The following GPM6A variants were observed in gnomAD, a reference collection of about 807,000 sequenced individuals.
The protein encoded by GPM6A is neuronal membrane glycoprotein M6-a.
GPM6A carries 7 observed loss-of-function variants against 32.1 expected under a neutral mutation model. The observed-to-expected ratio is 0.22, with a 90% CI of 0.12 to 0.41. The LOEUF (loss-of-function observed/expected upper bound fraction) is 0.41. GPM6A is among the 10% of genes least tolerant of loss of function. The pLI is 1.00. For missense variants in GPM6A, 235 were observed against 347.2 expected, an observed-to-expected ratio of 0.68 and a Z score of 2.57; for synonymous variants, 130 against 123.4, an observed-to-expected ratio of 1.05 and a Z score of -0.35.
intron 4 of GPM6A, among the ~76,000 whole-genome samples, chr4:175,644,063 C>T (rs1029028784): frequency 6.6e-6 from 1 of 151,704 alleles, no homozygotes. Context: ...TCAAGTCTCC[C>T]GCTTGGCCCT....
In GPM6A at chr4:175,722,765, C is replaced by T. The variant is rs111910971; in HGVS notation, c.38-20998G>A. Among the ~76,000 whole-genome samples the T allele has an allele frequency of 5.3e-5, 8 of 152,142 alleles. 1 individual carries two copies. Among genetic ancestry groups the T allele is most frequent in the African/African-American group, 1.9e-4 (8 of 41,510 alleles). Reference sequence around the variant, plus strand: ...TATGTTTAAAAATTCTTTCTTTGACCAGCCGTCGTGGCTCATACCTGTAAT... The same window carrying T: ...TATGTTTAAAAATTCTTTCTTTGACTAGCCGTCGTGGCTCATACCTGTAAT... On this transcript the variant is annotated intron_variant, in intron 1 of 6. Transcript: ENST00000393658.
intron 1 of GPM6A, among the ~76,000 whole-genome samples, chr4:175,879,364 A>C (rs1348402196): frequency 6.6e-5 from 10 of 152,300 alleles, no homozygotes; most frequent in African/African-American, 2.4e-4. Context: ...CTATGAACAA[A>C]TGCCCAAGAC....
chr4:175,816,603 A>G (rs1296777353), upstream of GPM6A, among the ~76,000 whole-genome samples: 3 of 152,214 alleles, frequency 2.0e-5, no homozygotes, highest in African/African-American at 7.2e-5. Flanking sequence ...TCCCTGGGTC[A>G]GAGAACAGAG....
intron 1 of GPM6A, among the ~76,000 whole-genome samples, chr4:175,822,464 C>G (rs974277635): frequency 2.6e-5 from 4 of 151,978 alleles, no homozygotes; most frequent in African/African-American, 9.7e-5. Context: ...TCTGTATTAA[C>G]AATGAAAAGC....
At chr4:175,778,857 T>A (rs1733502312) in intron 1 of GPM6A, among the ~76,000 whole-genome samples, 1 of 150,480 alleles carries the variant, frequency 6.6e-6, no homozygotes, top group East Asian at 1.9e-4. Context: ...ATTATGTAAT[T>A]GTAATATATG....
Position 175,988,761 on chromosome 4 carries a change from T to C in GPM6A, c.-23+13548A>G, listed in dbSNP as rs759098201. ...AACAAAGCAGTCAGATTTCTCAAAC[T>C]TTCAGGATGGTAAAGTGCATCAAAA... is the stretch of plus-strand genomic sequence containing the variant. On this transcript the variant is annotated intron_variant, in intron 1 of 7. Transcript: ENST00000280187. Among the ~76,000 whole-genome samples the C allele has an allele frequency of 3.9e-5, 6 of 152,114 alleles. No individual in the cohort carries two copies. The South Asian group carries it at 1.2e-3, about 32-fold the overall frequency.
chr4:175,890,520 TTTATTTTATG>T (rs1163755638), intron 1 of GPM6A, among the ~76,000 whole-genome samples: 316 of 43,054 alleles, frequency 7.3e-3, no homozygotes, highest in Admixed American at 0.012. Flanking sequence ...TTTATTTTAT[TTTATTTTATG>T]TTATGCTATG....
rs1380720698 is a variant in GPM6A, at chr4:175,651,817, A to G, written c.541+17T>C. 1.2e-6 allele frequency: 2 copies of G among 1,604,062 alleles called. No individual in the cohort carries two copies. The highest frequency in any genetic ancestry group is 1.1e-5 in the South Asian group (1 of 90,310). ...TGGGATGGTGTTTTACAGTTTAGAG[A>G]TCCAATATCCACTTACCAAACTGAC... On this transcript the variant is annotated intron_variant, in intron 4 of 6. Coordinates refer to ENST00000393658, the MANE Select transcript of GPM6A (RefSeq NM_201591.3).
intron 3 of GPM6A, among the ~76,000 whole-genome samples, chr4:175,652,654 T>G (rs1741874405): frequency 6.6e-6 from 1 of 152,056 alleles, no homozygotes; most frequent in Non-Finnish European, 1.5e-5. Context: ...ATTTTTAATA[T>G]TTATAAAGTG....
chr4:175,961,326 A>G (rs1740156230), intron 1 of GPM6A: 1 of 152,222 alleles, frequency 6.6e-6, no homozygotes, highest in Non-Finnish European at 1.5e-5. Context: ...AGGAGTTCAG[A>G]AGTCACTACT....
At chr4:175,661,623 TG>T (rs1264022126) in intron 3 of GPM6A, among the ~76,000 whole-genome samples, 1 of 152,124 alleles carries the variant, frequency 6.6e-6, no homozygotes, top group Non-Finnish European at 1.5e-5. Flanking sequence ...GCCCCTCCAT[TG>T]TGACCTTCAG....
intron 2 of GPM6A, among the ~76,000 whole-genome samples, chr4:175,687,021 A>G (rs1409917000): frequency 6.6e-6 from 1 of 152,194 alleles, no homozygotes; most frequent in African/African-American, 2.4e-5. Flanking sequence ...TTTCTAGTCT[A>G]GTGTATAGAT....
chr4:175,678,973 A>C (rs927047681), intron 2 of GPM6A, among the ~76,000 whole-genome samples: 3 of 152,148 alleles, frequency 2.0e-5, no homozygotes, highest in Non-Finnish European at 2.9e-5. Flanking sequence ...GAACATAGAG[A>C]ACATCTTCAC....
rs1418928321 is a variant in GPM6A, at chr4:175,779,091, C to T, written c.37+33100G>A. ...ATAATTGCTAGTAAGCTATCCAGTT[C>T]CCAGAAATGCTTATGGAAATGATGA... On this transcript the variant is annotated intron_variant, in intron 1 of 6. Transcript: ENST00000393658. Among the ~76,000 whole-genome samples, 3 of 152,030 alleles carry T rather than the reference C, an allele frequency of 2.0e-5. No homozygotes were observed. The East Asian group carries it at 5.8e-4, about 29-fold the overall frequency.
chr4:175,770,585 C>A (rs181088268), intron 1 of GPM6A, among the ~76,000 whole-genome samples: 1 of 152,200 alleles, frequency 6.6e-6, no homozygotes, highest in East Asian at 1.9e-4. Context: ...TGTTCTACTT[C>A]AAGTTATCTT....
intron 1 of GPM6A, among the ~76,000 whole-genome samples, chr4:175,739,696 CA>C (rs1731802621): frequency 6.6e-6 from 1 of 151,940 alleles, no homozygotes; most frequent in Non-Finnish European, 1.5e-5. Context: ...TCTTAAGGTT[CA>C]GGGGCAAAAG....
chr4:175,927,721 T>TAA (rs369841356), intron 1 of GPM6A, among the ~76,000 whole-genome samples: 24 of 152,066 alleles, frequency 1.6e-4, no homozygotes, highest in African/African-American at 5.3e-4. Flanking sequence ...ACCATCTCTA[T>TAA]AAAAAATAGA....
chr4:175,715,380 A>G (rs952781189), intron 1 of GPM6A, among the ~76,000 whole-genome samples: 3 of 152,206 alleles, frequency 2.0e-5, no homozygotes, highest in African/African-American at 7.2e-5. Context: ...CAGAAAGTGA[A>G]TAGGTCTGCG....
chr4:175,952,659 T>C (rs1239455249), intron 1 of GPM6A, among the ~76,000 whole-genome samples: 1 of 152,166 alleles, frequency 6.6e-6, no homozygotes, highest in Non-Finnish European at 1.5e-5. Flanking sequence ...ATACATTTTG[T>C]CCCAGAGCCC....
Sources: gnomAD v4.1 joint callset for allele counts (sites outside exome capture counted in the v4.1 genomes callset) on GRCh38, gnomAD v4.1.1 for gene constraint, MANE v1.5 for transcripts, NCBI Gene and HGNC (gene_info 2026-07-23, HGNC 2026-07-21) for gene names.